The following DMXL2 variants were observed in gnomAD, a reference collection of about 807,000 sequenced individuals.
DMXL2 encodes the protein Dmx like 2, also known as dmX-like protein 2.
Under a neutral mutation model 331.1 loss-of-function variants are expected in DMXL2, and 103 were observed. The observed-to-expected ratio is 0.31, with a 90% confidence interval of 0.27 to 0.37. The LOEUF (loss-of-function observed/expected upper bound fraction) is 0.37, where lower values mean the gene tolerates loss of function less well. Ranked by LOEUF, DMXL2 falls within the 10% of genes least tolerant of loss-of-function variation. The pLI is 1.00. For missense variants in DMXL2, 3,171 were observed against 3,642.9 expected (o/e 0.87, Z 3.33); for synonymous variants, 1,281 against 1,252.1 (o/e 1.02, Z -0.49).
intron 17 of DMXL2, 46 bp from the exon 18 acceptor site, chr15:51,500,277 C>G: frequency 6.6e-7 from 1 of 1,505,618 alleles, no homozygotes; most frequent in Non-Finnish European, 8.9e-7. Context: ...ATAATAAAGC[C>G]ACAAAATAAT....
At chr15:51,606,348 C>T (rs184590083) in intron 1 of DMXL2, among the ~76,000 whole-genome samples, 52 of 152,206 alleles carry the variant, frequency 3.4e-4, no homozygotes, top group African/African-American at 1.1e-3. Flanking sequence ...GCTGGGACGA[C>T]GCTATGCCCA....
intron 38 of DMXL2, 46 bp from the exon 39 acceptor site, chr15:51,456,239 C>T (rs1736606927): frequency 3.1e-6 from 5 of 1,602,352 alleles, no homozygotes; most frequent in Middle Eastern, 1.7e-4. Context: ...TAAAGAGTTC[C>T]AATATTTTCT....
At chr15:51,538,605 T>C (rs938412867) in intron 9 of DMXL2, among the ~76,000 whole-genome samples, 153 bp from the exon 10 acceptor site, 49 of 152,218 alleles carry the variant, frequency 3.2e-4, no homozygotes, top group African/African-American at 1.2e-3. Context: ...AATTTAATGG[T>C]AAATGTAAAT....
chr15:51,535,861 G>T, intron 12 of DMXL2, 77 bp from the exon 13 acceptor site: 1 of 1,463,032 alleles, frequency 6.8e-7, no homozygotes, highest in Non-Finnish European at 9.1e-7. Context: ...TAAGAAACAA[G>T]TATTCACATT....
intron 6 of DMXL2, among the ~76,000 whole-genome samples, chr15:51,554,237 G>A (rs1190186099): frequency 2.0e-5 from 3 of 152,112 alleles, no homozygotes; most frequent in Non-Finnish European, 4.4e-5. Context: ...ACCTATTATG[G>A]ATTTGTTAAG....
At chr15:51,563,325 GA>G in intron 6 of DMXL2, 55 bp downstream of exon 6, 1 of 1,348,174 alleles carries the variant, frequency 7.4e-7, no homozygotes, top group Non-Finnish European at 1.0e-6. Context: ...AATAAATAAG[GA>G]ACATTTTAAA....
In DMXL2 at chr15:51,542,318, A is replaced by G. The variant is rs915514120; in HGVS notation, c.1105+15T>C. On this transcript the variant is annotated intron_variant, in intron 9 of 43. Transcript: ENST00000560891. ...ACTTCAACATATTTATGGGAAATAA[A>G]ACTTTATCCTTTACCTGTGGCAGGG... 1 of 1,603,562 alleles carries G rather than the reference A, an allele frequency of 6.2e-7. No homozygotes were observed. Among genetic ancestry groups the G allele is most frequent in the Admixed American group, 1.7e-5 (1 of 59,116 alleles).
chr15:51,491,244 C>A (rs2042773079), intron 20 of DMXL2, among the ~76,000 whole-genome samples: 1 of 152,140 alleles, frequency 6.6e-6, no homozygotes, highest in African/African-American at 2.4e-5. Context: ...GATTCGAGAC[C>A]ATCCTGGCCA....
At position 51,499,118 on chromosome 15, in the gene DMXL2, G is replaced by C. The variant is rs779762898; in HGVS notation, c.4106C>G (p.Ser1369Cys). 1.2e-6 allele frequency: 2 copies of C among 1,614,090 alleles called. No individual in the cohort carries two copies. Among genetic ancestry groups the C allele is most frequent in the East Asian group, 2.2e-5 (1 of 44,870 alleles). Reference sequence around the variant, plus strand: ...ACCTGCAATACATTTTACTAAATGAGAGAGAATGGCTTTAGCCCTTCGCAC... The same window carrying C: ...ACCTGCAATACATTTTACTAAATGACAGAGAATGGCTTTAGCCCTTCGCAC... ...GKVRRAKAILSHLVKCIAGEV... is the reference protein window; with the variant it reads ...GKVRRAKAILCHLVKCIAGEV... The change falls in exon 18 of 44, where the codon TCT becomes TGT. Residue 1369 changes from serine to cysteine, a missense_variant. By Grantham distance (112) the Ser-to-Cys change is moderately radical. Transcript: ENST00000560891.
At chr15:51,559,832 AT>A (rs1452431918) in intron 6 of DMXL2, among the ~76,000 whole-genome samples, 1 of 152,242 alleles carries the variant, frequency 6.6e-6, no homozygotes, top group Admixed American at 6.5e-5. Flanking sequence ...AACAGGAACT[AT>A]TGTATACTAT....
At chr15:51,568,378 T>C in intron 3 of DMXL2, 109 bp downstream of exon 3, 1 of 665,436 alleles carries the variant, frequency 1.5e-6, no homozygotes, top group East Asian at 3.1e-5. Flanking sequence ...TTTTCACTGA[T>C]ACTCTAGTCT....
intron 29 of DMXL2, 37 bp downstream of exon 29, chr15:51,471,186 G>C: frequency 6.3e-7 from 1 of 1,575,290 alleles, no homozygotes; most frequent in Non-Finnish European, 8.7e-7. Flanking sequence ...ATAGATGATA[G>C]ACTTCTCTTA....
chr15:51,600,614 G>A (rs766224022), intron 1 of DMXL2, among the ~76,000 whole-genome samples: 10 of 152,120 alleles, frequency 6.6e-5, no homozygotes, highest in Non-Finnish European at 8.8e-5. Flanking sequence ...TATTTCATGC[G>A]TTTTGTTTTA....
At chr15:51,607,570 G>C (rs893725534) in intron 1 of DMXL2, among the ~76,000 whole-genome samples, 2 of 152,202 alleles carry the variant, frequency 1.3e-5, no homozygotes, top group African/African-American at 4.8e-5. Flanking sequence ...AATCAGGGCA[G>C]AGGCAATATT....
chr15:51,569,336 G>A (rs1050253571), intron 2 of DMXL2, among the ~76,000 whole-genome samples: 1 of 152,176 alleles, frequency 6.6e-6, no homozygotes, highest in Non-Finnish European at 1.5e-5. Context: ...AGTTTGAACT[G>A]GGTGGAGCCC....
At chr15:51,503,597 C>T (rs1221062795) in intron 16 of DMXL2, among the ~76,000 whole-genome samples, 1 of 151,982 alleles carries the variant, frequency 6.6e-6, no homozygotes, top group Non-Finnish European at 1.5e-5. Flanking sequence ...GGTGAAGAGA[C>T]TCTTTAATAG....
intron 41 of DMXL2, chr15:51,453,321 A>T (rs1051004034): frequency 8.1e-6 from 3 of 368,232 alleles, no homozygotes. Context: ...GTAGTAGTTT[A>T]AAAAAGACTG....
intron 1 of DMXL2, among the ~76,000 whole-genome samples, chr15:51,578,247 T>C (rs1189704732): frequency 6.6e-6 from 1 of 152,188 alleles, no homozygotes; most frequent in Non-Finnish European, 1.5e-5. Context: ...CAAACTCAGG[T>C]CCTTACAATT....
intron 28 of DMXL2, among the ~76,000 whole-genome samples, chr15:51,473,190 T>TAA (rs779650131): frequency 3.3e-5 from 5 of 152,206 alleles, no homozygotes; most frequent in Admixed American, 6.5e-5. Flanking sequence ...CCACCTTAAC[T>TAA]AAACTGGTCC....
Sources: gnomAD v4.1 joint callset for allele counts (sites outside exome capture counted in the v4.1 genomes callset) on GRCh38, gnomAD v4.1.1 for gene constraint, MANE v1.5 for transcripts, NCBI Gene and HGNC (gene_info 2026-07-23, HGNC 2026-07-21) for gene names.